XYLT1: variants seen among roughly 807,000 people sequenced by gnomAD.
XYLT1 encodes the protein beta-D-xylosyltransferase 1.
XYLT1 carries 36 observed loss-of-function variants against 91.3 expected under a neutral mutation model. That is an observed-to-expected ratio of 0.39 (90% CI 0.30 to 0.52). The LOEUF (loss-of-function observed/expected upper bound fraction) is 0.52, where lower values mean the gene tolerates loss of function less well. Among genes scored for constraint, XYLT1 ranks in the 20% least tolerant of loss-of-function variants. The pLI is 0.68. For synonymous variants in XYLT1, 588 were observed against 532.0 expected (o/e 1.11, Z -1.45); for missense variants, 1,242 against 1,284.5 (o/e 0.97, Z 0.51).
At chr16:17,330,325 A>T (rs975935110) in intron 2 of XYLT1, among the ~76,000 whole-genome samples, 1 of 152,206 alleles carries the variant, frequency 6.6e-6, no homozygotes, top group Non-Finnish European at 1.5e-5. Context: ...CAACCCCCAG[A>T]AGGAGCAGAA....
intron 6 of XYLT1, among the ~76,000 whole-genome samples, chr16:17,158,006 C>G (rs570754373): frequency 1.0e-3 from 152 of 147,402 alleles, no homozygotes; most frequent in Non-Finnish European, 1.9e-3. Flanking sequence ...CTCGGCCTCC[C>G]AAAGTGCTGG....
chr16:17,181,240 C>T (rs993891489), intron 5 of XYLT1, among the ~76,000 whole-genome samples: 2 of 152,152 alleles, frequency 1.3e-5, no homozygotes, highest in South Asian at 4.1e-4. Flanking sequence ...GCAAAGAAGG[C>T]TCAGCTCAAG....
chr16:17,199,972 C>T (rs938284011), intron 4 of XYLT1, among the ~76,000 whole-genome samples: 3 of 152,062 alleles, frequency 2.0e-5, no homozygotes, highest in African/African-American at 2.4e-5. Flanking sequence ...CCTGTAATCC[C>T]AGCACTTTGG....
At chr16:17,375,220 C>A (rs1306922834) in intron 1 of XYLT1, among the ~76,000 whole-genome samples, 3 of 152,054 alleles carry the variant, frequency 2.0e-5, no homozygotes, top group Admixed American at 1.3e-4. Context: ...GCTTTAAGCC[C>A]ATTTAGAAGC....
intron 2 of XYLT1, among the ~76,000 whole-genome samples, chr16:17,345,823 A>T (rs1303644445): frequency 1.3e-5 from 2 of 151,914 alleles, no homozygotes; most frequent in Non-Finnish European, 2.9e-5. Flanking sequence ...TATTATTATT[A>T]TTTTTGAGAG....
intron 3 of XYLT1, among the ~76,000 whole-genome samples, chr16:17,206,590 A>G (rs1460515388): frequency 3.3e-5 from 5 of 152,028 alleles, no homozygotes; most frequent in Admixed American, 6.6e-5. Context: ...TGCGTCAAAT[A>G]CTTCTCATGG....
intron 1 of XYLT1, among the ~76,000 whole-genome samples, chr16:17,435,598 A>C (rs929077728): frequency 6.6e-6 from 1 of 151,982 alleles, no homozygotes; most frequent in African/African-American, 2.4e-5. Context: ...TGTGAAGGTA[A>C]ATGCTTCCTG....
At chr16:17,379,787 A>C (rs1156358295) in intron 1 of XYLT1, among the ~76,000 whole-genome samples, 1 of 151,464 alleles carries the variant, frequency 6.6e-6, no homozygotes, top group Non-Finnish European at 1.5e-5. Flanking sequence ...ACACACACAC[A>C]CACACACCCC....
chr16:17,153,626 C>T (rs2031335969), intron 6 of XYLT1, among the ~76,000 whole-genome samples: 1 of 152,132 alleles, frequency 6.6e-6, no homozygotes, highest in Admixed American at 6.5e-5. Context: ...TCAATGTAGC[C>T]TTATTCGAAG....
intron 5 of XYLT1, among the ~76,000 whole-genome samples, chr16:17,172,466 CTTTTTTTTTTTTTTTT>C (rs1157952692): frequency 9.7e-6 from 1 of 102,636 alleles, no homozygotes. Context: ...GCGTTCATTT[CTTTTTTTTTTTTTTTT>C]TTTTTTGAGA....
intron 2 of XYLT1, among the ~76,000 whole-genome samples, chr16:17,269,683 T>C (rs2033857533): frequency 6.6e-6 from 1 of 152,108 alleles, no homozygotes; most frequent in South Asian, 2.1e-4. Flanking sequence ...GCAAACCCAT[T>C]TGAGTCACAC....
intron 1 of XYLT1, among the ~76,000 whole-genome samples, chr16:17,370,348 T>C (rs991590096): frequency 1.3e-5 from 2 of 152,238 alleles, no homozygotes; most frequent in Admixed American, 1.3e-4. Context: ...CTTTCATTTC[T>C]ACGCCTTCTG....
chr16:17,435,657 C>T (rs2036448451), intron 1 of XYLT1, among the ~76,000 whole-genome samples: 1 of 151,680 alleles, frequency 6.6e-6, no homozygotes, highest in South Asian at 2.1e-4. Context: ...ATTCAACCGA[C>T]ATCTACAAAG....
intron 7 of XYLT1, among the ~76,000 whole-genome samples, chr16:17,139,696 T>A (rs886684973): frequency 6.6e-6 from 1 of 152,200 alleles, no homozygotes; most frequent in Admixed American, 6.5e-5. Flanking sequence ...CAATTACTGA[T>A]TGCCCTGTGT....
intron 2 of XYLT1, among the ~76,000 whole-genome samples, chr16:17,352,756 C>G (rs905910900): frequency 2.6e-5 from 4 of 152,166 alleles, no homozygotes; most frequent in Non-Finnish European, 1.5e-5. Flanking sequence ...CCACTTATTA[C>G]TATCTGAAGT....
chr16:17,112,665 C>G lies in XYLT1; in HGVS notation c.2558-3648G>C, dbSNP rs913018879. Among the ~76,000 whole-genome samples the G allele has an allele frequency of 2.6e-5, 4 of 152,130 alleles. No homozygotes were observed. The East Asian group carries it at 7.7e-4, about 29-fold the overall frequency. On this transcript the variant is annotated intron_variant, in intron 11 of 11. Coordinates refer to ENST00000261381, the MANE Select transcript of XYLT1 (RefSeq NM_022166.4). ...TAGATCAAGAAGGAACCTAAGACCT[C>G]TAAGGGGGTGGGATTGGGCCTGGTC...
At chr16:17,274,436 G>A (rs1174644651) in intron 2 of XYLT1, among the ~76,000 whole-genome samples, 1 of 152,132 alleles carries the variant, frequency 6.6e-6, no homozygotes, top group African/African-American at 2.4e-5. Flanking sequence ...ATGTTATTTG[G>A]GTGTCCACTC....
At chr16:17,389,272 G>A (rs1202858703) in intron 1 of XYLT1, among the ~76,000 whole-genome samples, 1 of 152,112 alleles carries the variant, frequency 6.6e-6, no homozygotes, top group African/African-American at 2.4e-5. Context: ...TAGAGATAGG[G>A]TTTCACCCTG....
intron 2 of XYLT1, among the ~76,000 whole-genome samples, chr16:17,293,281 C>A (rs1296962616): frequency 6.6e-6 from 1 of 152,104 alleles, no homozygotes; most frequent in Non-Finnish European, 1.5e-5. Flanking sequence ...CACCCAAAAC[C>A]TCTGTTTAAC....
Sources: gnomAD v4.1 joint callset for allele counts (sites outside exome capture counted in the v4.1 genomes callset) on GRCh38, gnomAD v4.1.1 for gene constraint, MANE v1.5 for transcripts, NCBI Gene and HGNC (gene_info 2026-07-23, HGNC 2026-07-21) for gene names.